The following BTRC variants were observed in gnomAD, a reference collection of about 807,000 sequenced individuals.
BTRC encodes the protein beta-transducin repeat containing E3 ubiquitin protein ligase, also known as F-box/WD repeat-containing protein 1A.
In BTRC, 42 loss-of-function variants were observed where a neutral mutation model predicts 85.5. The ratio of observed to expected loss-of-function variants is 0.49; its 90% CI spans 0.38 to 0.64. BTRC has a LOEUF of 0.64. Ranked by LOEUF, BTRC falls within the 30% of genes least tolerant of loss-of-function variation. The pLI, the probability that BTRC is intolerant of heterozygous loss-of-function variation, is 0.00. For missense variants in BTRC, 594 were observed against 743.5 expected (o/e 0.80, Z 2.34); for synonymous variants, 255 against 263.3 (o/e 0.97, Z 0.30).
intron 1 of BTRC, among the ~76,000 whole-genome samples, chr10:101,406,115 AG>A (rs1406853246): frequency 2.6e-5 from 4 of 151,342 alleles, no homozygotes; most frequent in Non-Finnish European, 5.9e-5. Context: ...ATATACTTTT[AG>A]GATTATTCTC....
intron 3 of BTRC, among the ~76,000 whole-genome samples, chr10:101,472,376 T>C (rs1945555936): frequency 6.6e-6 from 1 of 151,666 alleles, no homozygotes; most frequent in South Asian, 2.1e-4. Context: ...CCCTATGTTG[T>C]CCAGGCTGGT....
At chr10:101,545,716 A>G (rs1349922141) in intron 13 of BTRC, among the ~76,000 whole-genome samples, 1 of 152,194 alleles carries the variant, frequency 6.6e-6, no homozygotes, top group African/African-American at 2.4e-5. Flanking sequence ...CTGTAGGGAA[A>G]TTAATTTCTA....
intron 1 of BTRC, among the ~76,000 whole-genome samples, chr10:101,358,836 A>G (rs752401237): frequency 6.6e-6 from 1 of 152,248 alleles, no homozygotes; most frequent in Non-Finnish European, 1.5e-5. Context: ...AAAGCCAGTC[A>G]AGGCCAACTA....
At chr10:101,472,324 C>CTTCTCTTCTCT in intron 3 of BTRC, among the ~76,000 whole-genome samples, 2 of 125,068 alleles carry the variant, frequency 1.6e-5, no homozygotes, top group South Asian at 2.7e-4. Flanking sequence ...CTTCTCTTCT[C>CTTCTCTTCTCT]TCTCTTCTTT....
intron 13 of BTRC, among the ~76,000 whole-genome samples, chr10:101,547,328 C>CTTTTTTTTTTTTTTTTTTTTTTTTTTT (rs71016332): frequency 1.3e-5 from 1 of 79,636 alleles, no homozygotes; most frequent in Non-Finnish European, 2.4e-5. Context: ...TATGGTTTTT[C>CTTTTTTTTTTTTTTTTTTTTTTTTTTT]TTTTTTTTTT....
intron 4 of BTRC, among the ~76,000 whole-genome samples, chr10:101,513,406 C>T (rs1188068292): frequency 6.6e-6 from 1 of 152,102 alleles, no homozygotes; most frequent in African/African-American, 2.4e-5. Flanking sequence ...TTTTCATTGT[C>T]CCAAAAACAT....
At chr10:101,493,854 A>G (rs538959152) in intron 4 of BTRC, among the ~76,000 whole-genome samples, 1 of 152,336 alleles carries the variant, frequency 6.6e-6, no homozygotes, top group East Asian at 1.9e-4. Context: ...ATTGTGTGTA[A>G]TAAAACTGTG....
At chr10:101,380,140 C>T (rs1320573288) in intron 1 of BTRC, among the ~76,000 whole-genome samples, 1 of 151,952 alleles carries the variant, frequency 6.6e-6, no homozygotes, top group Non-Finnish European at 1.5e-5. Flanking sequence ...AAAACAAGAC[C>T]TGGTTTTCAG....
intron 4 of BTRC, among the ~76,000 whole-genome samples, chr10:101,484,658 A>G (rs1945935392): frequency 1.3e-5 from 2 of 152,194 alleles, no homozygotes; most frequent in South Asian, 4.1e-4. Context: ...TTCTTCACAC[A>G]GGCGCCTCTG....
Position 101,374,794 on chromosome 10 carries a change from A to G in BTRC, c.48+20566A>G, listed in dbSNP as rs1027916184. Among the ~76,000 whole-genome samples, 4 of 152,276 alleles carry G rather than the reference A, an allele frequency of 2.6e-5. No homozygotes were observed. The South Asian group carries it at 8.3e-4, about 32-fold the overall frequency. On this transcript the variant is annotated intron_variant, in intron 1 of 14. Coordinates refer to ENST00000370187, the MANE Select transcript of BTRC (RefSeq NM_033637.4). ...ACTTAAAGTATAATAAATAAAAAAAAAAAAAAGAAAAGTTTATCCGCATAA... is the reference window on the plus strand; with the variant it reads ...ACTTAAAGTATAATAAATAAAAAAAGAAAAAAGAAAAGTTTATCCGCATAA...
chr10:101,375,624 T>C (rs1942770695), intron 1 of BTRC, among the ~76,000 whole-genome samples: 1 of 152,222 alleles, frequency 6.6e-6, no homozygotes, highest in Non-Finnish European at 1.5e-5. Context: ...AAAGCGTTGC[T>C]TCAAGCTTGA....
chr10:101,392,137 G>A (rs1943250716), intron 1 of BTRC, among the ~76,000 whole-genome samples: 1 of 152,026 alleles, frequency 6.6e-6, no homozygotes, highest in East Asian at 1.9e-4. Flanking sequence ...GCGCCACCAC[G>A]CCCAGCTAAT....
rs1371871721 is a variant in BTRC at position 101,457,514 on chromosome 10, C to T, written c.157-4467C>T. ...AAATTTCCATTCAATATTTTAGGAC[C>T]TCAGTTGACTGTAGTAACTGAAATT... On this transcript the variant is annotated intron_variant, in intron 2 of 14. Coordinates refer to ENST00000370187, the MANE Select transcript of BTRC (RefSeq NM_033637.4). Among the ~76,000 whole-genome samples, 4 of 152,172 alleles carry T rather than the reference C, an allele frequency of 2.6e-5. No individual in the cohort carries two copies. In the East Asian group the frequency reaches 7.7e-4, roughly 29 times the overall value.
chr10:101,478,065 C>T (rs929508107), intron 3 of BTRC, among the ~76,000 whole-genome samples: 14 of 151,810 alleles, frequency 9.2e-5, no homozygotes, highest in Non-Finnish European at 1.6e-4. Context: ...TTTGGGAGGC[C>T]GAGGCGGGTG....
intron 2 of BTRC, among the ~76,000 whole-genome samples, chr10:101,447,544 A>C (rs1262230704): frequency 6.6e-6 from 1 of 152,180 alleles, no homozygotes; most frequent in Non-Finnish European, 1.5e-5. Context: ...AAGAACAACT[A>C]CTATGATATT....
intron 13 of BTRC, among the ~76,000 whole-genome samples, chr10:101,547,664 T>TA (rs776163285): frequency 2.6e-4 from 40 of 152,190 alleles, no homozygotes; most frequent in Non-Finnish European, 4.3e-4. Flanking sequence ...ATTGCCCTTA[T>TA]GTTTAGCAAT....
intron 1 of BTRC, among the ~76,000 whole-genome samples, chr10:101,387,600 C>T (rs1193561628): frequency 4.4e-5 from 6 of 135,554 alleles, no homozygotes; most frequent in Admixed American, 1.6e-4. Flanking sequence ...GATCTTGGCT[C>T]ACTGCAACCT....
intron 13 of BTRC, among the ~76,000 whole-genome samples, chr10:101,539,901 A>G (rs2062440697): frequency 6.6e-6 from 1 of 152,206 alleles, no homozygotes; most frequent in Non-Finnish European, 1.5e-5. Context: ...AATGATTAAT[A>G]ATGTCAAGCA....
intron 2 of BTRC, among the ~76,000 whole-genome samples, chr10:101,438,865 A>T (rs763915994): frequency 2.2e-4 from 34 of 152,132 alleles, no homozygotes; most frequent in Non-Finnish European, 3.7e-4. Flanking sequence ...AAATAACACA[A>T]TATTTGACCA....
Sources: gnomAD v4.1 joint callset for allele counts (sites outside exome capture counted in the v4.1 genomes callset) on GRCh38, gnomAD v4.1.1 for gene constraint, MANE v1.5 for transcripts, NCBI Gene and HGNC (gene_info 2026-07-23, HGNC 2026-07-21) for gene names.